SARM1: variants seen among roughly 807,000 people sequenced by gnomAD.
SARM1 encodes sterile alpha and TIR motif containing 1.
A neutral mutation model predicts 65.1 loss-of-function variants in SARM1; 60 were observed. The ratio of observed to expected loss-of-function variants is 0.92; its 90% confidence interval spans 0.75 to 1.14. The LOEUF is 1.14. Among genes scored for constraint, SARM1 ranks in the 50% most tolerant of loss-of-function variants. SARM1 has a pLI of 0.00. For missense variants in SARM1, 913 were observed against 1,015.7 expected (o/e 0.90, Z 1.37); for synonymous variants, 417 against 465.4 (o/e 0.90, Z 1.34).
At chr17:28,375,579 G>C (rs2067984384) in intron 1 of SARM1, among the ~76,000 whole-genome samples, 1 of 144,572 alleles carries the variant, frequency 6.9e-6, no homozygotes, top group Non-Finnish European at 1.5e-5. Flanking sequence ...GCCTGGGCAA[G>C]AGTGAGACTC....
chr17:28,390,549 T>C (rs1864762831), intron 7 of SARM1, among the ~76,000 whole-genome samples: 1 of 152,110 alleles, frequency 6.6e-6, no homozygotes, highest in Non-Finnish European at 1.5e-5. Context: ...TATTATGTGA[T>C]GTTATGCTAG....
At position 28,385,546 on chromosome 17, in the gene SARM1, G is replaced by A; in HGVS notation, c.1630+271G>A. 1 of 509,454 alleles carries A rather than the reference G, an allele frequency of 2.0e-6. No individual in the cohort carries two copies. Among genetic ancestry groups the A allele is most frequent in the Non-Finnish European group, 3.5e-6 (1 of 289,052 alleles). 31.6% of individuals were successfully genotyped at this position (509,454 alleles called of 1,614,324 possible). A position where few individuals can be genotyped will look rare whatever the true frequency, so the allele number is the denominator to read the frequency against. On this transcript the variant is annotated intron_variant, in intron 5 of 8. Transcript: ENST00000585482. This position sits in a 1 kb window ranked among gnomAD's most constrained non-coding sequence, Gnocchi z 4.5. The stretch of plus-strand genomic sequence containing the variant: ...GAAGCTACCCAGGTCTCCAGTGGGA[G>A]CACAGAGGAAGCCCAGCCCACCCCA...
chr17:28,392,781 A>T (rs1199956717), intron 7 of SARM1, among the ~76,000 whole-genome samples: 1 of 152,206 alleles, frequency 6.6e-6, no homozygotes, highest in African/African-American at 2.4e-5. Flanking sequence ...TCCACTTCCC[A>T]AGAATGCTTG....
intron 2 of SARM1, among the ~76,000 whole-genome samples, chr17:28,382,606 C>T (rs1555585441): frequency 6.6e-6 from 1 of 152,214 alleles, no homozygotes; most frequent in East Asian, 1.9e-4. Context: ...CTGGCTTCCC[C>T]TCTCTAGGCC....
rs1284344546 is a variant in SARM1, at chr17:28,397,974, C to T, written c.*1688C>T. 1.3e-5 allele frequency: 2 copies of T among 152,700 alleles called. No homozygotes were observed. Among genetic ancestry groups the T allele is most frequent in the African/African-American group, 2.4e-5 (1 of 41,480 alleles). The allele number at this position is 152,700 out of a possible 1,614,324, so 9.5% of individuals were successfully genotyped here. On this transcript the variant is annotated 3_prime_UTR_variant, in exon 9 of 9. Transcript: ENST00000585482. Reference sequence around the variant, plus strand: ...TGGGGCTCCTTCCTTCCACTCCCCTCCCTGCCAGAGTCTGTCTTGGCCAGT... The same window carrying T: ...TGGGGCTCCTTCCTTCCACTCCCCTTCCTGCCAGAGTCTGTCTTGGCCAGT...
intron 1 of SARM1, among the ~76,000 whole-genome samples, chr17:28,379,460 G>A (rs537411630): frequency 6.6e-6 from 1 of 151,856 alleles, no homozygotes; most frequent in Non-Finnish European, 1.5e-5. Flanking sequence ...ACAGGCACCC[G>A]CCACCACGCC....
Position 28,397,294 on chromosome 17 carries a change from T to C in SARM1, c.*1008T>C, listed in dbSNP as rs1246851773. On this transcript the variant is annotated 3_prime_UTR_variant, in exon 9 of 9. Coordinates refer to ENST00000585482, the MANE Select transcript of SARM1 (RefSeq NM_015077.4). ...CATCCAAGTCACCTGGGAATGTTGT[T>C]AAAATCAGGAGATCTGGGGTGGGGC... 1 of 152,350 alleles carries C rather than the reference T, an allele frequency of 6.6e-6. No individual in the cohort carries two copies. The highest frequency in any genetic ancestry group is 1.5e-5 in the Non-Finnish European group (1 of 68,060). 9.4% of individuals were successfully genotyped at this position (152,350 alleles called of 1,614,324 possible).
chr17:28,388,463 A>G lies in SARM1; in HGVS notation c.1847A>G (p.Asn616Ser), dbSNP rs2068064256. The G allele has an allele frequency of 1.2e-6, 2 of 1,613,856 alleles. No individual in the cohort carries two copies. The highest frequency in any genetic ancestry group is 1.7e-6 in the Non-Finnish European group (2 of 1,179,898). Reference sequence around the variant, plus strand: ...ATCCAGAGTGTCATGGGTGCCCGCAACTTTGTGTTGGTGCTATCACCTGGA... The same window carrying G: ...ATCCAGAGTGTCATGGGTGCCCGCAGCTTTGTGTTGGTGCTATCACCTGGA... ...KLIQSVMGAR[N>S]FVLVLSPGAL... is the part of the protein sequence containing the mutation. The change falls in exon 7 of 9, where the codon AAC becomes AGC. Residue 616 changes from asparagine (N) to serine (S), a missense_variant. By Grantham distance (46) the Asn-to-Ser change is conservative. Coordinates refer to ENST00000585482, the MANE Select transcript of SARM1 (RefSeq NM_015077.4).
rs539545773 is a variant in SARM1 at position 28,384,393 on chromosome 17, C to A, written c.1126C>A (p.Arg376Ser). The A allele has an allele frequency of 2.1e-5, 34 of 1,608,756 alleles. 1 individual carries two copies. The East Asian group carries it at 5.4e-4, about 25-fold the overall frequency. The change falls in exon 3 of 9, where the codon CGC (arginine) becomes AGC (serine). Residue 376 changes from arginine to serine, a missense_variant. Transcript: ENST00000585482. The surrounding 1 kb of genome is among the most constrained non-coding windows in gnomAD (Gnocchi z 4.4). ...CATCGGCGCCATCCAGAGCCTGAAA[C>A]GCCTGGTTTCCTACTCTACCAATGG... ...SDIGAIQSLK[R>S]LVSYSTNGTK...
chr17:28,381,062 G>A, intron 1 of SARM1, 141 bp from the exon 2 acceptor site: 2 of 993,042 alleles, frequency 2.0e-6, no homozygotes, highest in Non-Finnish European at 2.9e-6. Flanking sequence ...GGAGATGAGG[G>A]TGGGGAGCAG....
rs2068044774 is a variant in SARM1 at position 28,385,215 on chromosome 17, C to T, written c.1570C>T (p.Leu524=). The T allele has an allele frequency of 6.3e-7, 1 of 1,599,814 alleles. No individual in the cohort carries two copies. The highest frequency in any genetic ancestry group is 8.5e-7 in the Non-Finnish European group (1 of 1,176,226). Residue 524 remains leucine (L), a synonymous_variant, in exon 5 of 9, where the codon CTG becomes TTG. Transcript: ENST00000585482. The surrounding 1 kb of genome is among the most constrained non-coding windows in gnomAD (Gnocchi z 4.5). ...GCACCGCGTGTCTGAGCAGCAGCTGCTGGAAGACTGCGGCATCCACCTGGG... is the reference window on the plus strand; with the variant it reads ...GCACCGCGTGTCTGAGCAGCAGCTGTTGGAAGACTGCGGCATCCACCTGGG... ...LLHRVSEQQL[L]EDCGIHLGVH...
In SARM1 at chr17:28,385,445, C is replaced by T; in HGVS notation, c.1630+170C>T. On this transcript the variant is annotated intron_variant, in intron 5 of 8. Transcript: ENST00000585482. The surrounding 1 kb of genome is among the most constrained non-coding windows in gnomAD (Gnocchi z 4.5). ...TAAAGATGAATACGTTGCACTTTAC[C>T]TCAAGAAGTTCCCAGTCTGAGGTGG... 1 of 601,678 alleles carries T rather than the reference C, an allele frequency of 1.7e-6. No homozygotes were observed. The allele number at this position is 601,678 out of a possible 1,614,324, so 37.3% of individuals were successfully genotyped here. A position where few individuals can be genotyped will look rare whatever the true frequency, so the allele number is the denominator to read the frequency against.
At position 28,384,275 on chromosome 17, in the gene SARM1, A is replaced by G; in HGVS notation, c.1090-82A>G. 1.7e-6 allele frequency: 2 copies of G among 1,173,274 alleles called. No individual in the cohort carries two copies. The highest frequency in any genetic ancestry group is 2.4e-6 in the Non-Finnish European group (2 of 834,320). The allele number at this position is 1,173,274 out of a possible 1,614,324, so 72.7% of individuals were successfully genotyped here. On this transcript the variant is annotated intron_variant, in intron 2 of 8. Coordinates refer to ENST00000585482, the MANE Select transcript of SARM1 (RefSeq NM_015077.4). The surrounding 1 kb of genome is among the most constrained non-coding windows in gnomAD (Gnocchi z 4.4). ...TGGAGAGACTTTGGGTTGTGAGAAG[A>G]GACAAGGAGAGGGACTGGGCACGTG...
Position 28,396,360 on chromosome 17 carries a change from C to A in SARM1, c.*74C>A, listed in dbSNP as rs1230147772. 2 of 1,580,504 alleles carry A rather than the reference C, an allele frequency of 1.3e-6. No homozygotes were observed. Among genetic ancestry groups the A allele is most frequent in the African/African-American group, 1.3e-5 (1 of 74,224 alleles). On this transcript the variant is annotated 3_prime_UTR_variant, in exon 9 of 9. Transcript: ENST00000585482. ...TTTCTGAAGGAACAGCTCCTGAAAC[C>A]AGTCTCCCTGGGCTGAGACAACCTG...
intron 7 of SARM1, among the ~76,000 whole-genome samples, chr17:28,393,861 A>T (rs2068093941): frequency 6.6e-6 from 1 of 152,234 alleles, no homozygotes; most frequent in African/African-American, 2.4e-5. Context: ...TAATTTACCC[A>T]TTAATTAATT....
chr17:28,376,539 C>T (rs1418336942), intron 1 of SARM1, among the ~76,000 whole-genome samples: 5 of 151,886 alleles, frequency 3.3e-5, no homozygotes, highest in Admixed American at 1.3e-4. Context: ...CGCCACTGCA[C>T]TCCAGCCTGG....
chr17:28,371,829 T>A lies in SARM1; in HGVS notation c.-204T>A, dbSNP rs1555584005. 2.2e-6 allele frequency: 1 copy of A among 451,758 alleles called. No individual in the cohort carries two copies. The highest frequency in any genetic ancestry group is 3.9e-6 in the Non-Finnish European group (1 of 255,924). 28.0% of individuals were successfully genotyped at this position (451,758 alleles called of 1,614,324 possible). A position where few individuals can be genotyped will look rare whatever the true frequency, so the allele number is the denominator to read the frequency against. On this transcript the variant is annotated 5_prime_UTR_variant, in exon 1 of 9. Coordinates refer to ENST00000585482, the MANE Select transcript of SARM1 (RefSeq NM_015077.4). Reference sequence around the variant, plus strand: ...CCCACTCCCTGCATCTGGGCCTGCATCACCTTTGCCAACCGCTCCCCCGAT... The same window carrying A: ...CCCACTCCCTGCATCTGGGCCTGCAACACCTTTGCCAACCGCTCCCCCGAT...
At chr17:28,392,017 G>A (rs887725795) in intron 7 of SARM1, among the ~76,000 whole-genome samples, 5 of 151,692 alleles carry the variant, frequency 3.3e-5, no homozygotes, top group Non-Finnish European at 7.4e-5. Flanking sequence ...ATGAGCCACC[G>A]TGCCCAGCCA....
intron 7 of SARM1, among the ~76,000 whole-genome samples, chr17:28,392,835 C>CCT (rs2068087597): frequency 2.0e-5 from 3 of 151,994 alleles, no homozygotes; most frequent in African/African-American, 7.2e-5. Flanking sequence ...GTGAGAGGAG[C>CCT]CTTTGTCTTG....
Sources: gnomAD v4.1 joint callset for allele counts (sites outside exome capture counted in the v4.1 genomes callset) on GRCh38, gnomAD v4.1.1 for gene constraint, Gnocchi (gnomAD v3.1) non-coding constraint, MANE v1.5 for transcripts, NCBI Gene and HGNC (gene_info 2026-07-23, HGNC 2026-07-21) for gene names.